KIF14: variants seen among roughly 807,000 people sequenced by gnomAD.
The protein encoded by KIF14 is kinesin family member 14.
KIF14 carries 98 observed loss-of-function variants against 176.2 expected under a neutral mutation model. The observed-to-expected ratio is 0.56, with a 90% CI of 0.47 to 0.66. The LOEUF (loss-of-function observed/expected upper bound fraction) is 0.66. KIF14 is among the 30% of genes least tolerant of loss of function. The pLI, the probability that KIF14 is intolerant of heterozygous loss-of-function variation, is 0.00. For missense variants in KIF14, 1,751 were observed against 1,920.4 expected (o/e 0.91, Z 1.65); for synonymous variants, 566 against 632.2 (o/e 0.90, Z 1.57).
chr1:200,607,560 A>G (rs1262144988), intron 5 of KIF14, among the ~76,000 whole-genome samples: 2 of 152,108 alleles, frequency 1.3e-5, no homozygotes, highest in East Asian at 3.9e-4. Context: ...ATTTTTCTTT[A>G]TTGTTACATT....
intron 14 of KIF14, among the ~76,000 whole-genome samples, chr1:200,595,465 A>G (rs561455670): frequency 6.6e-6 from 1 of 152,328 alleles, no homozygotes; most frequent in East Asian, 1.9e-4. Flanking sequence ...GAAGGTACGA[A>G]AAATGGAAGT....
intron 27 of KIF14, 29 bp from the exon 28 acceptor site, chr1:200,555,483 T>C: frequency 7.8e-7 from 1 of 1,279,882 alleles, no homozygotes; most frequent in South Asian, 1.4e-5. Context: ...TATTTTATTA[T>C]ACTTTATTAT....
chr1:200,610,155 A>T (rs1183094461), intron 4 of KIF14, among the ~76,000 whole-genome samples: 1 of 152,092 alleles, frequency 6.6e-6, no homozygotes, highest in African/African-American at 2.4e-5. Context: ...AATGCCACTG[A>T]ATTATATACT....
intron 25 of KIF14, among the ~76,000 whole-genome samples, chr1:200,564,177 G>A (rs541654444): frequency 5.7e-4 from 65 of 114,072 alleles, no homozygotes; most frequent in South Asian, 1.0e-3. Flanking sequence ...CAGGAGAATC[G>A]CTTGAACCCA....
Position 200,615,359 on chromosome 1 carries a change from A to G in KIF14, c.1363T>C (p.Tyr455His), listed in dbSNP as rs1204840851. ...AYGQTGSGKS[Y>H]TMMGFSEEPG... The stretch of plus-strand genomic sequence containing the variant: ...TGCATTTCCAATACAACTTACGTAT[A>G]TGATTTTCCAGAGCCAGTCTGACCA... Residue 455 changes from tyrosine to histidine, a missense_variant, in exon 3 of 30, where the codon TAT becomes CAT. Tyr to His is a moderately conservative substitution (Grantham distance 83, BLOSUM62 2). Coordinates refer to ENST00000367350, the MANE Select transcript of KIF14 (RefSeq NM_014875.3). 1 of 1,609,990 alleles carries G rather than the reference A, an allele frequency of 6.2e-7. No individual in the cohort carries two copies. The highest frequency in any genetic ancestry group is 1.1e-5 in the South Asian group (1 of 90,296).
In KIF14 at chr1:200,617,605, C is replaced by T; in HGVS notation, c.1112+7G>A. 2 of 1,589,088 alleles carry T rather than the reference C, an allele frequency of 1.3e-6. No individual in the cohort carries two copies. The highest frequency in any genetic ancestry group is 2.3e-5 in the South Asian group (2 of 88,026). ...CTTGGCTTTAGATTTTAAAAGGCAT[C>T]ACATACCTCTTGGTGAAAGGTCTTA... On this transcript the variant is annotated splice_region_variant and intron_variant, in intron 2 of 29. Transcript: ENST00000367350.
chr1:200,614,458 AT>A, intron 3 of KIF14, 53 bp from the exon 4 acceptor site: 1 of 1,161,122 alleles, frequency 8.6e-7, no homozygotes, highest in Non-Finnish European at 1.3e-6. Context: ...TTTCTTTAAA[AT>A]TCTTTTTGGG....
At chr1:200,608,804 C>A in intron 5 of KIF14, 26 bp downstream of exon 5, 1 of 1,361,424 alleles carries the variant, frequency 7.3e-7, no homozygotes, top group Non-Finnish European at 1.0e-6. Flanking sequence ...AAATTCAAAA[C>A]AAATAATAAA....
intron 25 of KIF14, among the ~76,000 whole-genome samples, chr1:200,562,762 T>C (rs145017556): frequency 1.0e-3 from 159 of 152,298 alleles, no homozygotes; most frequent in Non-Finnish European, 1.2e-4. Context: ...CATCCACACC[T>C]GTTTGCAGTC....
intron 15 of KIF14, 38 bp from the exon 16 acceptor site, chr1:200,592,278 C>T: frequency 6.5e-7 from 1 of 1,548,954 alleles, no homozygotes; most frequent in Non-Finnish European, 8.7e-7. Context: ...TGAGGTGAGT[C>T]TCAACCAAAA....
At position 200,553,647 on chromosome 1, in the gene KIF14, A is replaced by C; in HGVS notation, c.4688T>G (p.Val1563Gly). The C allele has an allele frequency of 6.2e-7, 1 of 1,614,062 alleles. No homozygotes were observed. ...TAGTTCCTGGTGGACAATGTGAGTT[A>C]CTCTACTCTCATAGCTGCCAACAGA... ...STSVGSYESR[V>G]THIVHQELES... is the part of the protein sequence containing the mutation. Residue 1563 changes from valine to glycine, a missense_variant, in exon 30 of 30, where the codon GTA (valine) becomes GGA (glycine). By Grantham distance (109) the Val-to-Gly change is moderately radical. Coordinates refer to ENST00000367350, the MANE Select transcript of KIF14 (RefSeq NM_014875.3).
At chr1:200,586,790 CATATATAT>C (rs10610890) in intron 18 of KIF14, among the ~76,000 whole-genome samples, 75,720 of 128,238 alleles carry the variant, frequency 0.59, 20,757 homozygotes, top group South Asian at 0.68. Flanking sequence ...TATATACATA[CATATATAT>C]ATATATATAT....
chr1:200,581,295 C>T lies in KIF14; in HGVS notation c.3242-1G>A, dbSNP rs754748878. On this transcript the variant is annotated splice_acceptor_variant, in intron 19 of 29. Transcript: ENST00000367350. LOFTEE classifies it high-confidence loss of function. ...TTCATAGAGCTCCAAGTTGTCTGCA[C>T]TAATACAAAGCACACAGAAAAGATT... 2 of 1,579,386 alleles carry T rather than the reference C, an allele frequency of 1.3e-6. No individual in the cohort carries two copies. The highest frequency in any genetic ancestry group is 1.7e-6 in the Non-Finnish European group (2 of 1,160,304).
At chr1:200,619,946 A>T (rs1363568758) in intron 1 of KIF14, among the ~76,000 whole-genome samples, 1 of 152,200 alleles carries the variant, frequency 6.6e-6, no homozygotes, top group Non-Finnish European at 1.5e-5. Flanking sequence ...CTTTGTATCC[A>T]ACTCCTTACA....
At chr1:200,593,901 A>G (rs1288619115) in intron 14 of KIF14, 132 bp from the exon 15 acceptor site, 4 of 480,212 alleles carry the variant, frequency 8.3e-6, no homozygotes, top group Non-Finnish European at 1.5e-5. Context: ...ACAATAATTT[A>G]AAATTATTTT....
chr1:200,584,489 A>G (rs1658632286), intron 19 of KIF14, among the ~76,000 whole-genome samples: 1 of 152,244 alleles, frequency 6.6e-6, no homozygotes, highest in Admixed American at 6.5e-5. Context: ...TCAACAGCAC[A>G]TTAAAAGGAT....
At chr1:200,589,466 T>C in intron 17 of KIF14, 97 bp from the exon 18 acceptor site, 1 of 1,030,898 alleles carries the variant, frequency 9.7e-7, no homozygotes, top group Non-Finnish European at 1.4e-6. Context: ...AATTACTCAC[T>C]AATAGAAAAG....
intron 11 of KIF14, among the ~76,000 whole-genome samples, chr1:200,601,627 C>T (rs1213951465): frequency 6.6e-6 from 1 of 152,148 alleles, no homozygotes; most frequent in East Asian, 1.9e-4. Context: ...ACGTCTATGA[C>T]TGTGTAAATT....
chr1:200,569,155 C>T (rs1657639830), intron 23 of KIF14, among the ~76,000 whole-genome samples: 2 of 152,048 alleles, frequency 1.3e-5, no homozygotes, highest in East Asian at 3.9e-4. Flanking sequence ...GAACTCCCGA[C>T]CTCAGGTGAT....
Sources: gnomAD v4.1 joint callset for allele counts (sites outside exome capture counted in the v4.1 genomes callset) on GRCh38, gnomAD v4.1.1 for gene constraint, MANE v1.5 for transcripts, NCBI Gene and HGNC (gene_info 2026-07-23, HGNC 2026-07-21) for gene names.